Variants in LAMA5 observed in about 807,000 individuals in gnomAD.
LAMA5 encodes the protein laminin subunit alpha 5.
LAMA5 carries 260 observed loss-of-function variants against 433.4 expected under a neutral mutation model. That is an observed-to-expected ratio of 0.60 (90% CI 0.54 to 0.66). The LOEUF (loss-of-function observed/expected upper bound fraction) is 0.66. Among genes scored for constraint, LAMA5 ranks in the 30% least tolerant of loss-of-function variants. The pLI, the probability that LAMA5 is intolerant of heterozygous loss-of-function variation, is 0.00. For missense variants in LAMA5, 5,378 were observed against 5,258.5 expected (o/e 1.02, Z -0.70); for synonymous variants, 2,620 against 2,226.6 (o/e 1.18, Z -4.97).
chr20:62,346,161 C>T lies in LAMA5; in HGVS notation c.1337G>A (p.Arg446Gln), dbSNP rs775606133. The change falls in exon 10 of 80, where the codon CGA becomes CAA. Residue 446 changes from arginine to glutamine, a missense_variant. Arg to Gln is a conservative substitution (Grantham distance 43). Transcript: ENST00000252999. ...TDGTCEDLTGRCYCRPNFSGE... is the reference protein window; with the variant it reads ...TDGTCEDLTGQCYCRPNFSGE... ...AGAGAAGTTGGGCCGGCAGTAGCATCGACCCGTCAGGTCCTCGCAGGTGCC... is the reference window on the plus strand; with the variant it reads ...AGAGAAGTTGGGCCGGCAGTAGCATTGACCCGTCAGGTCCTCGCAGGTGCC... The T allele has an allele frequency of 3.7e-6, 6 of 1,612,860 alleles. No individual in the cohort carries two copies. Among genetic ancestry groups the T allele is most frequent in the East Asian group, 2.2e-5 (1 of 44,890 alleles).
chr20:62,313,231 G>A lies in LAMA5; in HGVS notation c.8812C>T (p.Pro2938Ser). Residue 2938 changes from proline to serine, a missense_variant, in exon 65 of 80, where the codon CCG becomes TCG. Pro to Ser is a moderately conservative substitution (Grantham distance 74, BLOSUM62 -1). Coordinates refer to ENST00000252999, the MANE Select transcript of LAMA5 (RefSeq NM_005560.6). Reference protein sequence around the residue: ...PCARSKSTGDPWLTDGSYLDG... With the variant: ...PCARSKSTGDSWLTDGSYLDG... ...AGGTAGGAGCCGTCCGTGAGCCACGGGTCCCCGGTCGACTTGGAGCTGCAG... is the reference window on the plus strand; with the variant it reads ...AGGTAGGAGCCGTCCGTGAGCCACGAGTCCCCGGTCGACTTGGAGCTGCAG... 1 of 1,546,526 alleles carries A rather than the reference G, an allele frequency of 6.5e-7. No individual in the cohort carries two copies. The highest frequency in any genetic ancestry group is 8.7e-7 in the Non-Finnish European group (1 of 1,149,060).
In LAMA5 at chr20:62,310,886, T is replaced by C; in HGVS notation, c.10281+16A>G. 6.2e-7 allele frequency: 1 copy of C among 1,608,432 alleles called. No individual in the cohort carries two copies. Among genetic ancestry groups the C allele is most frequent in the African/African-American group, 1.3e-5 (1 of 74,934 alleles). On this transcript the variant is annotated intron_variant, in intron 74 of 79. Transcript: ENST00000252999. ...GCCAGGCCCTGCCCACCACCTTCCT[T>C]CTTCTCGGCCCTCACCTTGTGCCAG...
chr20:62,309,865 G>T, intron 78 of LAMA5, 30 bp from the exon 79 acceptor site: 1 of 1,610,070 alleles, frequency 6.2e-7, no homozygotes, highest in Non-Finnish European at 8.5e-7. Context: ...CTGAGGCCAG[G>T]TGGTCCTCAG....
chr20:62,321,169 G>A lies in LAMA5; in HGVS notation c.6497-279C>T, dbSNP rs57903112. 8.9e-3 allele frequency among the ~76,000 whole-genome samples: 1,066 copies of A among 119,518 alleles called. 41 individuals carry two copies. The highest frequency in any genetic ancestry group is 0.033 in the African/African-American group (985 of 29,872). The allele number at this position is 119,518 out of a possible 152,430, so 78.4% of individuals were successfully genotyped here. Reference sequence around the variant, plus strand: ...GTGGGGCCAGTGAAGGGGCGGGGCCGGTGGAGGCAGGGTCAGTGAAGGGGT... The same window carrying A: ...GTGGGGCCAGTGAAGGGGCGGGGCCAGTGGAGGCAGGGTCAGTGAAGGGGT... On this transcript the variant is annotated intron_variant, in intron 48 of 79. Coordinates refer to ENST00000252999, the MANE Select transcript of LAMA5 (RefSeq NM_005560.6).
At chr20:62,316,624 C>G (rs372413756) in intron 57 of LAMA5, 47 bp downstream of exon 57, 1 of 1,416,914 alleles carries the variant, frequency 7.1e-7, no homozygotes, top group Non-Finnish European at 9.5e-7. Context: ...CCTGGGAGCT[C>G]AGATGCCCAG....
chr20:62,313,383 G>C lies in LAMA5; in HGVS notation c.8736C>G (p.Leu2912=), dbSNP rs759644266. ...MDTLNEEVVS[L]YNFERTFQLD... ...GCTGGAAGGTCCTCTCGAAGTTGTAGAGGCTGACCACCTCCTCATTCAGCG... is the reference window on the plus strand; with the variant it reads ...GCTGGAAGGTCCTCTCGAAGTTGTACAGGCTGACCACCTCCTCATTCAGCG... The change falls in exon 64 of 80, where the codon CTC becomes CTG. Residue 2912 remains leucine, a synonymous_variant. Coordinates refer to ENST00000252999, the MANE Select transcript of LAMA5 (RefSeq NM_005560.6). 1 of 1,601,750 alleles carries C rather than the reference G, an allele frequency of 6.2e-7. No individual in the cohort carries two copies. The highest frequency in any genetic ancestry group is 8.5e-7 in the Non-Finnish European group (1 of 1,175,068).
chr20:62,363,001 G>A (rs1297504017), intron 1 of LAMA5, among the ~76,000 whole-genome samples: 1 of 152,156 alleles, frequency 6.6e-6, no homozygotes, highest in African/African-American at 2.4e-5. Flanking sequence ...GCAGGAGTAA[G>A]GCAAAGCATG....
In LAMA5 at chr20:62,346,047, G is replaced by A. The variant is rs368623803; in HGVS notation, c.1417+34C>T. ...GGGCTCCCGGAGTCCAGCAGGCAGT[G>A]GTGTCTGTTTGGATGCCCCTGGCAG... On this transcript the variant is annotated intron_variant, in intron 10 of 79. Coordinates refer to ENST00000252999, the MANE Select transcript of LAMA5 (RefSeq NM_005560.6). The A allele has an allele frequency of 5.6e-6, 9 of 1,610,760 alleles. No homozygotes were observed. In the African/African-American group the frequency reaches 1.1e-4, roughly 19 times the overall value.
At chr20:62,338,440 A>G (rs557114908) in intron 12 of LAMA5, 28 bp downstream of exon 12, 1 of 1,607,850 alleles carries the variant, frequency 6.2e-7, no homozygotes, top group South Asian at 1.1e-5. Flanking sequence ...GAGCGCAGGT[A>G]GAGGTTGAGC....
At chr20:62,331,170 G>A (rs140824948) in intron 28 of LAMA5, 41 bp from the exon 29 acceptor site, 15,849 of 1,373,132 alleles carry the variant, frequency 0.012, 146 homozygotes, top group Non-Finnish European at 0.014. Context: ...CCCGTGGTGC[G>A]GGGAGGATAG....
At chr20:62,342,957 T>C (rs1425458063) in intron 11 of LAMA5, among the ~76,000 whole-genome samples, 1 of 152,258 alleles carries the variant, frequency 6.6e-6, no homozygotes, top group Non-Finnish European at 1.5e-5. Flanking sequence ...AAGTGAATAC[T>C]GTACAGCCAC....
Position 62,324,956 on chromosome 20 carries a change from C to A in LAMA5, c.5529+360G>T. 1 of 391,018 alleles carries A rather than the reference C, an allele frequency of 2.6e-6. No homozygotes were observed. The highest frequency in any genetic ancestry group is 4.7e-6 in the Non-Finnish European group (1 of 211,516). The allele number at this position is 391,018 out of a possible 1,614,324, so 24.2% of individuals were successfully genotyped here. A position where few individuals can be genotyped will look rare whatever the true frequency, so the allele number is the denominator to read the frequency against. The stretch of plus-strand genomic sequence containing the variant: ...TTAGCAGGGCAGATTAGCAGCTGGA[C>A]AGACACACAGTGGGCGAGGGATGGG... On this transcript the variant is annotated intron_variant, in intron 41 of 79. Transcript: ENST00000252999. This position sits in a 1 kb window ranked among gnomAD's most constrained non-coding sequence, Gnocchi z 4.4.
At chr20:62,333,024 G>A in intron 26 of LAMA5, 66 bp downstream of exon 26, 1 of 1,410,440 alleles carries the variant, frequency 7.1e-7, no homozygotes, top group Non-Finnish European at 9.3e-7. Context: ...CACCGCCACA[G>A]GACCCCCAGC....
rs1982021966 is a variant in LAMA5, at chr20:62,338,277, A to G, written c.1711T>C (p.Cys571Arg). The G allele has an allele frequency of 1.2e-6, 2 of 1,603,606 alleles. No homozygotes were observed. Among genetic ancestry groups the G allele is most frequent in the African/African-American group, 1.3e-5 (1 of 74,736 alleles). Residue 571 changes from cysteine (C) to arginine (R), a missense_variant, in exon 13 of 80, where the codon TGT becomes CGT. Physicochemically the swap from Cys to Arg is radical, Grantham distance 180. Transcript: ENST00000252999. ...AAGTAGCCGGGGGCACAGCGATCAC[A>G]TGTGGCCCCCTCGAAGCCCACTCGG... is the stretch of plus-strand genomic sequence containing the variant. ...RCRVGFEGAT[C>R]DRCAPGYFHF...
rs1028604796 is a variant in LAMA5, at chr20:62,324,005, T to G, written c.5768+75A>C. 2 of 1,431,248 alleles carry G rather than the reference T, an allele frequency of 1.4e-6. No homozygotes were observed. The highest frequency in any genetic ancestry group is 2.9e-5 in the African/African-American group (2 of 69,644). 88.7% of individuals were successfully genotyped at this position (1,431,248 alleles called of 1,614,324 possible). A position where few individuals can be genotyped will look rare whatever the true frequency, so the allele number is the denominator to read the frequency against. On this transcript the variant is annotated intron_variant, in intron 43 of 79. Coordinates refer to ENST00000252999, the MANE Select transcript of LAMA5 (RefSeq NM_005560.6). The surrounding 1 kb of genome is among the most constrained non-coding windows in gnomAD (Gnocchi z 4.4). ...CTGTCCAGGCCTCTGCAGAGGGCAG[T>G]GGGAACCCACCCCGCTGCTGGGTGA...
chr20:62,332,564 G>GGCAGGGGT lies in LAMA5; in HGVS notation c.3428_3435dup (p.Leu1146ThrfsTer31). ...CCACCGGCTCCCACTCACCTGTACA[G>GGCAGGGGT]GCAGGGGTGCAGGGAGAGCAGCCCC... is the stretch of plus-strand genomic sequence containing the variant. On this transcript the variant is annotated frameshift_variant, in exon 27 of 80. Coordinates refer to ENST00000252999, the MANE Select transcript of LAMA5 (RefSeq NM_005560.6). LOFTEE classifies it high-confidence loss of function. 6.3e-7 allele frequency: 1 copy of GGCAGGGGT among 1,597,162 alleles called. No homozygotes were observed. Among genetic ancestry groups the GGCAGGGGT allele is most frequent in the Non-Finnish European group, 8.5e-7 (1 of 1,169,794 alleles).
Position 62,324,543 on chromosome 20 carries a change from G to T in LAMA5, c.5541C>A (p.Pro1847=). ...GACCTTTGACGTCCCGATAGAAGCC[G>T]GGGGCACATTCCTGAGGGTGTACGG... ...YRGDSCQECA[P]GFYRDVKGLF... Residue 1847 remains proline, a synonymous_variant, in exon 42 of 80, where the codon CCC becomes CCA. Coordinates refer to ENST00000252999, the MANE Select transcript of LAMA5 (RefSeq NM_005560.6). This position sits in a 1 kb window ranked among gnomAD's most constrained non-coding sequence, Gnocchi z 4.4. 6.2e-7 allele frequency: 1 copy of T among 1,610,642 alleles called. No individual in the cohort carries two copies. Among genetic ancestry groups the T allele is most frequent in the Non-Finnish European group, 8.5e-7 (1 of 1,178,758 alleles).
rs530091945 is a variant in LAMA5, at chr20:62,325,044, G to T, written c.5529+272C>A. 22 of 494,642 alleles carry T rather than the reference G, an allele frequency of 4.4e-5. No individual in the cohort carries two copies. In the South Asian group the frequency reaches 5.2e-4, roughly 12 times the overall value. The allele number at this position is 494,642 out of a possible 1,614,324, so 30.6% of individuals were successfully genotyped here. A position where few individuals can be genotyped will look rare whatever the true frequency, so the allele number is the denominator to read the frequency against. ...ATGTCCAGGTGACCCAGTGGTGGGG[G>T]CTGGGGTAGGTGGGAAAGGGGTATG... On this transcript the variant is annotated intron_variant, in intron 41 of 79. Coordinates refer to ENST00000252999, the MANE Select transcript of LAMA5 (RefSeq NM_005560.6).
Position 62,338,220 on chromosome 20 carries a change from G to C in LAMA5, c.1756+12C>G. 2.5e-6 allele frequency: 4 copies of C among 1,586,476 alleles called. No homozygotes were observed. Among genetic ancestry groups the C allele is most frequent in the Non-Finnish European group, 3.4e-6 (4 of 1,164,142 alleles). On this transcript the variant is annotated intron_variant, in intron 13 of 79. Transcript: ENST00000252999. ...TCCCCTACCCACGCCCACGTGGAGAGGCACCACTCACACTGGCAGAGAGGG... is the reference window on the plus strand; with the variant it reads ...TCCCCTACCCACGCCCACGTGGAGACGCACCACTCACACTGGCAGAGAGGG...
Sources: allele counts gnomAD v4.1 joint callset (sites outside exome capture counted in the v4.1 genomes callset), GRCh38; gene constraint gnomAD v4.1.1; non-coding constraint Gnocchi (gnomAD v3.1); transcripts MANE v1.5; gene names NCBI Gene and HGNC (gene_info 2026-07-23, HGNC 2026-07-21).